ANKRD29: variants seen among roughly 807,000 people sequenced by gnomAD.
The protein encoded by ANKRD29 is ankyrin repeat domain 29.
In ANKRD29, 32 loss-of-function variants were observed where a neutral mutation model predicts 38.0. That is an observed-to-expected ratio of 0.84 (90% CI 0.64 to 1.13). The LOEUF (loss-of-function observed/expected upper bound fraction) is 1.13. Among genes scored for constraint, ANKRD29 ranks in the 50% most tolerant of loss-of-function variants. The probability of loss-of-function intolerance (pLI) is 0.00; values close to 1 mark genes in which losing one functional copy is unlikely to be tolerated. For missense variants in ANKRD29, 357 were observed against 377.9 expected (o/e 0.94, Z 0.46); for synonymous variants, 135 against 152.4 (o/e 0.89, Z 0.84).
intron 4 of ANKRD29, 75 bp from the exon 5 acceptor site, chr18:23,634,224 C>A: frequency 4.0e-6 from 4 of 1,000,250 alleles, no homozygotes; most frequent in East Asian, 4.0e-5. Context: ...TCCTCACATA[C>A]ATAGAATTTA....
At chr18:23,602,784 G>GA (rs56844621) in intron 9 of ANKRD29, among the ~76,000 whole-genome samples, 91 of 126,120 alleles carry the variant, frequency 7.2e-4, no homozygotes, top group Middle Eastern at 3.9e-3. Flanking sequence ...TTTTCAAAAA[G>GA]AAAAAAAAAA....
intron 2 of ANKRD29, 171 bp downstream of exon 2, chr18:23,648,912 C>T: frequency 1.9e-6 from 1 of 536,578 alleles, no homozygotes; most frequent in African/African-American, 2.0e-5. Context: ...TGACTTCCCC[C>T]AGCATGTTTT....
At chr18:23,633,092 C>A (rs865862713) in intron 5 of ANKRD29, among the ~76,000 whole-genome samples, 1 of 152,168 alleles carries the variant, frequency 6.6e-6, no homozygotes, top group Admixed American at 6.5e-5. Context: ...CAAGTCTATT[C>A]ATCTCCCTAT....
intron 8 of ANKRD29, among the ~76,000 whole-genome samples, chr18:23,613,885 C>T (rs571275440): frequency 6.6e-6 from 1 of 151,722 alleles, no homozygotes; most frequent in Non-Finnish European, 1.5e-5. Context: ...GGCATGAGCC[C>T]CCACGCCCAG....
chr18:23,635,975 G>C (rs2059997413), intron 4 of ANKRD29, among the ~76,000 whole-genome samples: 1 of 152,192 alleles, frequency 6.6e-6, no homozygotes, highest in African/African-American at 2.4e-5. Flanking sequence ...GACGGCAGTG[G>C]TGAGGAGGCA....
At chr18:23,606,186 A>G (rs2059572902) in intron 9 of ANKRD29, among the ~76,000 whole-genome samples, 1 of 152,172 alleles carries the variant, frequency 6.6e-6, no homozygotes, top group Non-Finnish European at 1.5e-5. Flanking sequence ...CATGTAGCTC[A>G]CTGCAGCCTT....
chr18:23,615,917 T>C (rs1193705597), intron 8 of ANKRD29, among the ~76,000 whole-genome samples: 4 of 143,830 alleles, frequency 2.8e-5, no homozygotes, highest in East Asian at 1.9e-4. Flanking sequence ...ATATACTATA[T>C]AGTATGTATA....
At chr18:23,606,036 C>A (rs2059571201) in intron 9 of ANKRD29, among the ~76,000 whole-genome samples, 1 of 152,192 alleles carries the variant, frequency 6.6e-6, no homozygotes, top group African/African-American at 2.4e-5. Context: ...AAGGCCCCAA[C>A]AGTTTCACCC....
intron 1 of ANKRD29, among the ~76,000 whole-genome samples, chr18:23,657,005 C>T (rs1216650633): frequency 1.3e-5 from 2 of 152,248 alleles, no homozygotes; most frequent in Admixed American, 1.3e-4. Flanking sequence ...ATCAGCACTG[C>T]AGTGAATAGG....
intron 8 of ANKRD29, among the ~76,000 whole-genome samples, chr18:23,614,748 G>C (rs1283470038): frequency 6.6e-6 from 1 of 151,108 alleles, no homozygotes; most frequent in African/African-American, 2.4e-5. Flanking sequence ...CCAACACATT[G>C]ACAACAGCAG....
intron 1 of ANKRD29, among the ~76,000 whole-genome samples, chr18:23,653,107 G>C (rs2060230844): frequency 1.3e-5 from 2 of 152,200 alleles, no homozygotes; most frequent in South Asian, 4.1e-4. Context: ...ACACCATAGA[G>C]CCTAGATGTG....
chr18:23,649,446 A>G (rs376821221), intron 1 of ANKRD29: 39 of 682,462 alleles, frequency 5.7e-5, no homozygotes, highest in African/African-American at 5.6e-4. Context: ...ATTTCCCACT[A>G]ATGTTCTCAC....
intron 3 of ANKRD29, among the ~76,000 whole-genome samples, chr18:23,639,325 C>A (rs1258256154): frequency 6.6e-6 from 1 of 152,084 alleles, no homozygotes; most frequent in Non-Finnish European, 1.5e-5. Flanking sequence ...CTACTCACAA[C>A]AGCTAAAATG....
chr18:23,610,406 A>T (rs1290550088), intron 9 of ANKRD29, among the ~76,000 whole-genome samples: 1 of 152,192 alleles, frequency 6.6e-6, no homozygotes, highest in Non-Finnish European at 1.5e-5. Context: ...TGAACCTGGG[A>T]GGTGGAGGTT....
intron 8 of ANKRD29, among the ~76,000 whole-genome samples, chr18:23,615,586 AT>A (rs1245594280): frequency 6.6e-6 from 1 of 151,632 alleles, no homozygotes; most frequent in East Asian, 1.9e-4. Flanking sequence ...TTTTAAAAAC[AT>A]TTTTTGTGGA....
chr18:23,646,125 C>G, intron 3 of ANKRD29, 64 bp downstream of exon 3: 1 of 1,466,744 alleles, frequency 6.8e-7, no homozygotes, highest in Non-Finnish European at 9.5e-7. Context: ...TACCAGTTCA[C>G]TATCATGAAA....
chr18:23,634,928 TG>T (rs1249144953), intron 4 of ANKRD29, among the ~76,000 whole-genome samples: 1 of 152,202 alleles, frequency 6.6e-6, no homozygotes, highest in Non-Finnish European at 1.5e-5. Context: ...GGTGTTTGTA[TG>T]GGGTAACCCT....
At chr18:23,613,080 T>G (rs1023862321) in intron 8 of ANKRD29, among the ~76,000 whole-genome samples, 5 of 152,114 alleles carry the variant, frequency 3.3e-5, no homozygotes, top group African/African-American at 1.2e-4. Flanking sequence ...TAAGTATGTA[T>G]GATAATTCAC....
intron 9 of ANKRD29, among the ~76,000 whole-genome samples, chr18:23,606,692 T>C (rs935608846): frequency 9.2e-5 from 14 of 152,096 alleles, no homozygotes; most frequent in African/African-American, 3.1e-4. Flanking sequence ...AATGTTTGTA[T>C]AGAGGAATCA....
Sources: gnomAD v4.1 joint callset for allele counts (sites outside exome capture counted in the v4.1 genomes callset) on GRCh38, gnomAD v4.1.1 for gene constraint, MANE v1.5 for transcripts, NCBI Gene and HGNC (gene_info 2026-07-23, HGNC 2026-07-21) for gene names.